The following RALGAPA1 variants were observed in gnomAD, a reference collection of about 807,000 sequenced individuals.
RALGAPA1 encodes the protein ral GTPase-activating protein subunit alpha-1.
In RALGAPA1, 52 loss-of-function variants were observed where a neutral mutation model predicts 269.6. The observed-to-expected ratio is 0.19, with a 90% CI of 0.15 to 0.24. The LOEUF (loss-of-function observed/expected upper bound fraction) is 0.24, where lower values mean the gene tolerates loss of function less well. RALGAPA1 is among the 10% of genes least tolerant of loss of function. The pLI is 1.00. For missense variants in RALGAPA1, 1,917 were observed against 3,013.9 expected (o/e 0.64, Z 8.52); for synonymous variants, 817 against 1,008.3 (o/e 0.81, Z 3.60).
chr14:35,682,487 T>TAGTAG (rs1358761950), intron 21 of RALGAPA1, among the ~76,000 whole-genome samples: 1 of 152,092 alleles, frequency 6.6e-6, no homozygotes, highest in East Asian at 1.9e-4. Context: ...TTTGTATTTT[T>TAGTAG]AGTAGAGATG....
intron 16 of RALGAPA1, among the ~76,000 whole-genome samples, chr14:35,708,105 C>A (rs2140771837): frequency 6.6e-6 from 1 of 152,130 alleles, no homozygotes; most frequent in African/African-American, 2.4e-5. Flanking sequence ...ATAGAGAAAT[C>A]AAACAAAAAT....
At chr14:35,722,927 A>C in intron 15 of RALGAPA1, 100 bp downstream of exon 15, 1 of 611,562 alleles carries the variant, frequency 1.6e-6, no homozygotes. Flanking sequence ...AATATTTAAG[A>C]TTCTACTTAT....
chr14:35,732,520 A>C (rs1567112043), intron 12 of RALGAPA1, among the ~76,000 whole-genome samples: 2 of 152,320 alleles, frequency 1.3e-5, no homozygotes, highest in Admixed American at 1.3e-4. Flanking sequence ...GACTCAACAA[A>C]CACAGAAGGA....
chr14:35,779,582 TAAAG>T (rs1476031841), intron 1 of RALGAPA1, among the ~76,000 whole-genome samples: 2 of 150,546 alleles, frequency 1.3e-5, no homozygotes, highest in Non-Finnish European at 3.0e-5. Flanking sequence ...TAAATAATAA[TAAAG>T]AAATAGGCTG....
intron 33 of RALGAPA1, among the ~76,000 whole-genome samples, chr14:35,628,312 G>A (rs1232253027): frequency 6.6e-6 from 1 of 152,128 alleles, no homozygotes; most frequent in Non-Finnish European, 1.5e-5. Flanking sequence ...CACTTTGGGA[G>A]GCTGAGGCGG....
chr14:35,600,208 C>T (rs1207757899), intron 36 of RALGAPA1, among the ~76,000 whole-genome samples: 1 of 138,404 alleles, frequency 7.2e-6, no homozygotes. Flanking sequence ...CTTTTCTTTT[C>T]CTTTTTTTTC....
intron 21 of RALGAPA1, among the ~76,000 whole-genome samples, chr14:35,682,801 T>C (rs1320925720): frequency 6.6e-6 from 1 of 152,212 alleles, no homozygotes; most frequent in Non-Finnish European, 1.5e-5. Flanking sequence ...CCTATAATGA[T>C]GGAACTGTAG....
chr14:35,786,455 G>A (rs2075802454), intron 1 of RALGAPA1, among the ~76,000 whole-genome samples: 1 of 151,872 alleles, frequency 6.6e-6, no homozygotes, highest in Admixed American at 6.6e-5. Flanking sequence ...AGACCATCCC[G>A]GCTAACCCCG....
chr14:35,580,843 T>A (rs2057900778), intron 37 of RALGAPA1, among the ~76,000 whole-genome samples: 1 of 152,198 alleles, frequency 6.6e-6, no homozygotes, highest in African/African-American at 2.4e-5. Flanking sequence ...TATTTCTTTA[T>A]ACTGACTGTC....
At chr14:35,610,286 CTT>C (rs555907360) in intron 35 of RALGAPA1, among the ~76,000 whole-genome samples, 9 of 141,482 alleles carry the variant, frequency 6.4e-5, no homozygotes, top group Admixed American at 2.8e-4. Context: ...CAATTTTTTT[CTT>C]TTTTTTTTTT....
chr14:35,720,056 A>G (rs1343186046), intron 16 of RALGAPA1, among the ~76,000 whole-genome samples: 6 of 152,186 alleles, frequency 3.9e-5, no homozygotes, highest in Admixed American at 1.3e-4. Context: ...CCGGCCAACA[A>G]TTCTTAATAC....
chr14:35,722,561 A>G (rs1222184432), intron 15 of RALGAPA1, among the ~76,000 whole-genome samples: 1 of 151,826 alleles, frequency 6.6e-6, no homozygotes. Flanking sequence ...GCAGTGAGCC[A>G]TGACTGTGCT....
chr14:35,616,453 G>C (rs2060257176), intron 35 of RALGAPA1, among the ~76,000 whole-genome samples: 1 of 152,038 alleles, frequency 6.6e-6, no homozygotes, highest in Admixed American at 6.5e-5. Context: ...TTTAATATAG[G>C]GGATTTAATA....
intron 35 of RALGAPA1, 45 bp downstream of exon 35, chr14:35,625,316 A>G: frequency 8.1e-7 from 1 of 1,227,992 alleles, no homozygotes; most frequent in Non-Finnish European, 1.2e-6. Flanking sequence ...TAAAAGAGAA[A>G]TACCTGAGAG....
intron 31 of RALGAPA1, among the ~76,000 whole-genome samples, chr14:35,648,980 T>C (rs932247706): frequency 6.6e-6 from 1 of 152,262 alleles, no homozygotes; most frequent in Non-Finnish European, 1.5e-5. Flanking sequence ...TAATGTGCTA[T>C]ACTTTGCTAA....
chr14:35,560,769 G>A (rs2056137324), intron 39 of RALGAPA1, among the ~76,000 whole-genome samples: 1 of 152,146 alleles, frequency 6.6e-6, no homozygotes, highest in Admixed American at 6.5e-5. Context: ...CTTAAAGACT[G>A]TCTCTAGAGA....
intron 35 of RALGAPA1, among the ~76,000 whole-genome samples, chr14:35,617,622 T>G: frequency 2.4e-5 from 1 of 41,642 alleles, no homozygotes. Context: ...CCATCCTGTG[T>G]GTGTGTGTGT....
At chr14:35,622,341 A>G (rs1290752308) in intron 35 of RALGAPA1, among the ~76,000 whole-genome samples, 6 of 152,090 alleles carry the variant, frequency 3.9e-5, no homozygotes, top group African/African-American at 1.4e-4. Context: ...AGGGTGGGGA[A>G]TATCACACAT....
At chr14:35,759,518 C>A (rs2073502518) in intron 6 of RALGAPA1, among the ~76,000 whole-genome samples, 1 of 149,598 alleles carries the variant, frequency 6.7e-6, no homozygotes, top group African/African-American at 2.5e-5. Context: ...AATGTTTGCT[C>A]ATGAAAGAAT....
Sources: gnomAD v4.1 joint callset for allele counts (sites outside exome capture counted in the v4.1 genomes callset) on GRCh38, gnomAD v4.1.1 for gene constraint, MANE v1.5 for transcripts, NCBI Gene and HGNC (gene_info 2026-07-23, HGNC 2026-07-21) for gene names.